RHBDD1: variants seen among roughly 807,000 people sequenced by gnomAD.
RHBDD1 encodes the protein rhomboid domain containing 1.
Under a neutral mutation model 36.3 loss-of-function variants are expected in RHBDD1, and 38 were observed. The observed-to-expected ratio is 1.05, with a 90% CI of 0.81 to 1.37. RHBDD1 has a LOEUF of 1.37. RHBDD1 is among the 40% of genes most tolerant of loss of function. RHBDD1 has a pLI of 0.00. For synonymous variants in RHBDD1, 151 were observed against 136.5 expected (o/e 1.11, Z -0.74); for missense variants, 393 against 377.6 (o/e 1.04, Z -0.34).
chr2:226,848,036 C>T (rs1276181169), intron 3 of RHBDD1, among the ~76,000 whole-genome samples: 3 of 152,110 alleles, frequency 2.0e-5, no homozygotes, highest in East Asian at 3.9e-4. Context: ...CTCAGCTTCT[C>T]TATTTATATA....
chr2:226,899,400 T>A lies in RHBDD1; in HGVS notation c.567-7393T>A, dbSNP rs554162218. 5.9e-5 allele frequency among the ~76,000 whole-genome samples: 9 copies of A among 152,332 alleles called. No homozygotes were observed. In the East Asian group the frequency reaches 1.7e-3, roughly 29 times the overall value. On this transcript the variant is annotated intron_variant, in intron 5 of 8. Transcript: ENST00000392062. ...CCTTTCATATTTTATTAAAATTTTT[T>A]TCTGTAAACATATATTGAGCACCCC...
At chr2:226,899,291 T>G (rs1947391260) in intron 5 of RHBDD1, among the ~76,000 whole-genome samples, 1 of 152,224 alleles carries the variant, frequency 6.6e-6, no homozygotes, top group South Asian at 2.1e-4. Context: ...AATAATATCT[T>G]AATCTTAGTT....
chr2:226,814,410 T>C, the RHBDD1 span, among the ~76,000 whole-genome samples: 25,691 of 152,116 alleles, frequency 0.17, 3,263 homozygotes, highest in African/African-American at 0.36. Context: ...AGGGCCCACA[T>C]GGATGACTTT....
chr2:226,869,953 A>T (rs139369567), intron 5 of RHBDD1, among the ~76,000 whole-genome samples: 2 of 152,102 alleles, frequency 1.3e-5, no homozygotes, highest in Non-Finnish European at 2.9e-5. Context: ...GATTCTGTTG[A>T]TGGGAGGAAG....
chr2:226,883,634 C>A (rs536204275), intron 5 of RHBDD1, among the ~76,000 whole-genome samples: 19 of 152,292 alleles, frequency 1.2e-4, no homozygotes, highest in Non-Finnish European at 2.1e-4. Flanking sequence ...CCTACCTAAT[C>A]TGTACTTAAC....
At chr2:226,848,121 AT>A (rs540240936) in intron 3 of RHBDD1, among the ~76,000 whole-genome samples, 144 of 151,864 alleles carry the variant, frequency 9.5e-4, no homozygotes, top group Non-Finnish European at 1.5e-3. Flanking sequence ...TTTAAAACGG[AT>A]TTTTTTTTAA....
intron 5 of RHBDD1, among the ~76,000 whole-genome samples, chr2:226,898,755 T>TG (rs1413557775): frequency 1.3e-5 from 2 of 152,188 alleles, no homozygotes; most frequent in African/African-American, 2.4e-5. Context: ...ACTGCGAATC[T>TG]GGGACCATTT....
chr2:226,853,051 G>A (rs1942983945), intron 3 of RHBDD1, among the ~76,000 whole-genome samples: 1 of 151,804 alleles, frequency 6.6e-6, no homozygotes, highest in South Asian at 2.1e-4. Flanking sequence ...TTATAGGCGA[G>A]AGCCACTGAG....
chr2:226,879,998 A>G (rs913318088), intron 5 of RHBDD1, among the ~76,000 whole-genome samples: 2 of 152,166 alleles, frequency 1.3e-5, no homozygotes, highest in African/African-American at 4.8e-5. Flanking sequence ...ATTTTGGTCA[A>G]GTTGAGCACA....
At chr2:226,972,836 G>C (rs1206495597) in intron 8 of RHBDD1, among the ~76,000 whole-genome samples, 1 of 151,022 alleles carries the variant, frequency 6.6e-6, no homozygotes, top group African/African-American at 2.4e-5. Flanking sequence ...TTTTGGTTGG[G>C]TTATAGGTAA....
intron 5 of RHBDD1, chr2:226,895,833 C>T (rs1407405660): frequency 2.0e-6 from 2 of 984,260 alleles, no homozygotes; most frequent in African/African-American, 3.5e-5. Context: ...GGCTTATCCA[C>T]CACATTGATG....
chr2:226,906,586 T>C lies in RHBDD1; in HGVS notation c.567-207T>C, dbSNP rs1948069809. The C allele has an allele frequency of 2.8e-6, 3 of 1,055,470 alleles. No homozygotes were observed. The South Asian group carries it at 5.4e-5, about 19-fold the overall frequency. 65.4% of individuals were successfully genotyped at this position (1,055,470 alleles called of 1,614,324 possible). ...AAGGAGGGGTGTTGCGTTTTAAACA[T>C]GTGGTGGTTGTTATTCATTGTACTT... On this transcript the variant is annotated intron_variant, in intron 5 of 8. Coordinates refer to ENST00000392062, the MANE Select transcript of RHBDD1 (RefSeq NM_001167608.3).
At chr2:226,847,512 TAAAG>T (rs1942350002) in intron 3 of RHBDD1, among the ~76,000 whole-genome samples, 1 of 152,176 alleles carries the variant, frequency 6.6e-6, no homozygotes, top group Non-Finnish European at 1.5e-5. Context: ...AAGCTTGTAG[TAAAG>T]AAAGAAAACA....
intron 3 of RHBDD1, among the ~76,000 whole-genome samples, chr2:226,842,497 T>G (rs1224183353): frequency 6.6e-6 from 1 of 152,226 alleles, no homozygotes; most frequent in Non-Finnish European, 1.5e-5. Context: ...TTCAGTTTTC[T>G]GCATATGGCT....
intron 8 of RHBDD1, among the ~76,000 whole-genome samples, chr2:226,992,111 G>C (rs190491669): frequency 1.3e-5 from 2 of 152,184 alleles, no homozygotes; most frequent in Admixed American, 1.3e-4. Flanking sequence ...AAGGAGAGAG[G>C]TAGTAGATCA....
intron 8 of RHBDD1, among the ~76,000 whole-genome samples, chr2:226,953,797 T>C (rs1951591895): frequency 6.6e-6 from 1 of 152,332 alleles, no homozygotes; most frequent in African/African-American, 2.4e-5. Flanking sequence ...TTTTAAGTTT[T>C]AATGGGTTCC....
intron 3 of RHBDD1, among the ~76,000 whole-genome samples, chr2:226,860,513 C>A (rs926895311): frequency 5.3e-5 from 8 of 152,110 alleles, no homozygotes; most frequent in African/African-American, 1.9e-4. Flanking sequence ...GATCTGTCTT[C>A]CTTGGTGTTC....
At chr2:226,828,027 T>C in the RHBDD1 span, among the ~76,000 whole-genome samples, 1 of 152,214 alleles carries the variant, frequency 6.6e-6, no homozygotes, top group African/African-American at 2.4e-5. Flanking sequence ...AATAAATTTA[T>C]AGTGTTAATA....
chr2:226,833,146 T>C (rs916473052), upstream of RHBDD1, among the ~76,000 whole-genome samples: 2 of 152,252 alleles, frequency 1.3e-5, no homozygotes, highest in African/African-American at 2.4e-5. Context: ...ATTTTTACAG[T>C]TCTTAAATTG....
Sources: allele counts gnomAD v4.1 joint callset (sites outside exome capture counted in the v4.1 genomes callset), GRCh38; gene constraint gnomAD v4.1.1; transcripts MANE v1.5; gene names NCBI Gene and HGNC (gene_info 2026-07-23, HGNC 2026-07-21).